The following RBFOX3 variants were observed in gnomAD, a reference collection of about 807,000 sequenced individuals.
RBFOX3 encodes the protein RNA binding protein fox-1 homolog 3.
A neutral mutation model predicts 48.7 loss-of-function variants in RBFOX3; 17 were observed. The ratio of observed to expected loss-of-function variants is 0.35; its 90% CI spans 0.24 to 0.52. RBFOX3 has a LOEUF of 0.52. RBFOX3 is among the 20% of genes least tolerant of loss of function. RBFOX3 has a pLI of 0.94. For missense variants in RBFOX3, 382 were observed against 497.5 expected (o/e 0.77, Z 2.21); for synonymous variants, 212 against 209.5 (o/e 1.01, Z -0.10).
rs905993614 is a variant in RBFOX3, at chr17:79,567,594, T to C, written c.-320+43232A>G. Among the ~76,000 whole-genome samples, 444 of 152,340 alleles carry C rather than the reference T, an allele frequency of 2.9e-3. 1 individual carries two copies. The highest frequency in any genetic ancestry group is 0.01 in the African/African-American group (430 of 41,580). On this transcript the variant is annotated intron_variant, in intron 1 of 14. Coordinates refer to ENST00000693108, the MANE Select transcript of RBFOX3 (RefSeq NM_001350451.2). The stretch of plus-strand genomic sequence containing the variant: ...CCTGATTTGATCATTACACACTGTA[T>C]ATATGCATCAAAATATTGCTTTGTA...
intron 2 of RBFOX3, among the ~76,000 whole-genome samples, chr17:79,402,410 G>A (rs904264153): frequency 3.3e-5 from 5 of 152,212 alleles, no homozygotes; most frequent in African/African-American, 7.2e-5. Context: ...CAGGACAGGC[G>A]GAAAACTGGG....
rs1047306171 is a variant in RBFOX3, at chr17:79,167,062, G to A, written c.-33-51314C>T. ...TCAAGACCCCCGGCAAGGCGGGCAC[G>A]TCACCCCCACGACAGACGCGCTCAC... On this transcript the variant is annotated intron_variant, in intron 4 of 14. Coordinates refer to ENST00000693108, the MANE Select transcript of RBFOX3 (RefSeq NM_001350451.2). 2.4e-4 allele frequency among the ~76,000 whole-genome samples: 36 copies of A among 152,302 alleles called. 1 individual carries two copies. The highest frequency in any genetic ancestry group is 1.5e-3 in the Admixed American group (23 of 15,306).
rs569391169 is a variant in RBFOX3, at chr17:79,423,177, C to T, written c.-175+59277G>A. Among the ~76,000 whole-genome samples the T allele has an allele frequency of 4.1e-4, 62 of 152,286 alleles. No individual in the cohort carries two copies. Among genetic ancestry groups the T allele is most frequent in the Non-Finnish European group, 7.1e-4 (48 of 68,022 alleles). On this transcript the variant is annotated intron_variant, in intron 2 of 14. Transcript: ENST00000693108. The surrounding 1 kb of genome is among the most constrained non-coding windows in gnomAD (Gnocchi z 4.9). The stretch of plus-strand genomic sequence containing the variant: ...ACCAGAGTTTTCAAACGTGTCTTGG[C>T]GTCACATGTCCAAAACCAAACTCCT...
intron 1 of RBFOX3, among the ~76,000 whole-genome samples, chr17:79,567,013 C>T (rs1294902562): frequency 6.6e-6 from 1 of 152,110 alleles, no homozygotes; most frequent in Non-Finnish European, 1.5e-5. Context: ...CGAGGACTCA[C>T]TCCTCCTATC....
chr17:79,427,549 T>C (rs1555726219), intron 2 of RBFOX3, among the ~76,000 whole-genome samples: 1 of 152,230 alleles, frequency 6.6e-6, no homozygotes, highest in Non-Finnish European at 1.5e-5. Context: ...TGATGAACAC[T>C]GTCCCATTGA....
chr17:79,577,930 G>C, intron 1 of RBFOX3, among the ~76,000 whole-genome samples: 1 of 152,246 alleles, frequency 6.6e-6, no homozygotes, highest in East Asian at 1.9e-4. Flanking sequence ...ACAGAAGATG[G>C]AGCTCAGGGG....
the RBFOX3 span, among the ~76,000 whole-genome samples, chr17:79,621,783 G>A: frequency 3.9e-5 from 6 of 152,330 alleles, no homozygotes; most frequent in South Asian, 2.1e-4. Context: ...GCTAGCACGT[G>A]TTACTAGGTG....
chr17:79,097,397 C>T lies in RBFOX3; in HGVS notation c.650G>A (p.Gly217Asp). Residue 217 changes from glycine (G) to aspartate (D), a missense_variant, in exon 11 of 15, where the codon GGC becomes GAC. By Grantham distance (94) the Gly-to-Asp change is moderately conservative. This residue lies in a region of RBFOX3 where 215 missense variants were observed against 254.8 expected (regional missense o/e 0.84). Coordinates refer to ENST00000693108, the MANE Select transcript of RBFOX3 (RefSeq NM_001350451.2). ...TGCGCCCCGGTAGGCAACGGCTGTG[C>T]CGGTGGTGGGGTAGGGGAACCCCGT... The part of the protein sequence containing the change: ...AVTGFPYPTT[G>D]TAVAYRGAHL... 2 of 1,547,882 alleles carry T rather than the reference C, an allele frequency of 1.3e-6. No individual in the cohort carries two copies. The highest frequency in any genetic ancestry group is 1.8e-4 in the Middle Eastern group (1 of 5,616).
rs17741704 is a variant in RBFOX3, at chr17:79,199,712, G to A, written c.-34+36054C>T. 8.5e-5 allele frequency among the ~76,000 whole-genome samples: 13 copies of A among 152,112 alleles called. No individual in the cohort carries two copies. The highest frequency in any genetic ancestry group is 7.2e-4 in the Admixed American group (11 of 15,268). On this transcript the variant is annotated intron_variant, in intron 4 of 14. Coordinates refer to ENST00000693108, the MANE Select transcript of RBFOX3 (RefSeq NM_001350451.2). The surrounding 1 kb of genome is among the most constrained non-coding windows in gnomAD (Gnocchi z 5.1). The stretch of plus-strand genomic sequence containing the variant: ...TTCCAAGAGTCACACATGGCTCCTG[G>A]TGACCATATTGACACAGATATGACA...
At position 79,389,826 on chromosome 17, in the gene RBFOX3, G is replaced by T. The variant is rs1263052509; in HGVS notation, c.-174-82002C>A. Among the ~76,000 whole-genome samples, 6 of 152,364 alleles carry T rather than the reference G, an allele frequency of 3.9e-5. No homozygotes were observed. The East Asian group carries it at 1.2e-3, about 29-fold the overall frequency. ...CAAAAGACAACAGTTTAGAATGAGA[G>T]GAGACTGAGGGGGCCAGGGCCATGC... On this transcript the variant is annotated intron_variant, in intron 2 of 14. Coordinates refer to ENST00000693108, the MANE Select transcript of RBFOX3 (RefSeq NM_001350451.2).
At position 79,423,183 on chromosome 17, in the gene RBFOX3, A is replaced by G. The variant is rs1380000086; in HGVS notation, c.-175+59271T>C. On this transcript the variant is annotated intron_variant, in intron 2 of 14. Coordinates refer to ENST00000693108, the MANE Select transcript of RBFOX3 (RefSeq NM_001350451.2). This position sits in a 1 kb window ranked among gnomAD's most constrained non-coding sequence, Gnocchi z 4.9. The stretch of plus-strand genomic sequence containing the variant: ...GTTTTCAAACGTGTCTTGGCGTCAC[A>G]TGTCCAAAACCAAACTCCTCACGTC... 6.6e-6 allele frequency among the ~76,000 whole-genome samples: 1 copy of G among 152,154 alleles called. No individual in the cohort carries two copies.
At chr17:79,598,047 TTTA>T (rs35598919) in intron 1 of RBFOX3, 132,456 of 152,098 alleles carry the variant, frequency 0.87, 57,771 homozygotes, top group East Asian at 0.95. Flanking sequence ...TCTTGGCTTC[TTTA>T]TTATTCCTCC....
At chr17:79,219,116 C>G (rs529496535) in intron 4 of RBFOX3, among the ~76,000 whole-genome samples, 1 of 152,334 alleles carries the variant, frequency 6.6e-6, no homozygotes, top group Non-Finnish European at 1.5e-5. Flanking sequence ...CCCTTGAGCC[C>G]TTCTCCTGGT....
chr17:79,621,213 G>A, the RBFOX3 span, among the ~76,000 whole-genome samples: 1 of 151,872 alleles, frequency 6.6e-6, no homozygotes, highest in Non-Finnish European at 1.5e-5. Flanking sequence ...TGGCCAGGCG[G>A]GTCTCGAACT....
intron 2 of RBFOX3, among the ~76,000 whole-genome samples, chr17:79,395,298 G>A (rs1420106183): frequency 6.6e-6 from 1 of 152,238 alleles, no homozygotes; most frequent in Non-Finnish European, 1.5e-5. Context: ...TGCCTGGGAG[G>A]ACCCCTCCTA....
intron 2 of RBFOX3, among the ~76,000 whole-genome samples, chr17:79,396,051 G>A (rs1012088655): frequency 3.9e-5 from 6 of 152,198 alleles, no homozygotes; most frequent in African/African-American, 1.4e-4. Context: ...ACCTGAGGAT[G>A]TCTGAGCCCC....
At chr17:79,465,987 AC>A (rs1370434113) in intron 2 of RBFOX3, among the ~76,000 whole-genome samples, 23 of 152,212 alleles carry the variant, frequency 1.5e-4, no homozygotes, top group African/African-American at 5.5e-4. Context: ...CCCAGGAACA[AC>A]CCAGCTGGAT....
intron 2 of RBFOX3, among the ~76,000 whole-genome samples, chr17:79,415,630 T>C (rs991859757): frequency 2.0e-5 from 3 of 152,176 alleles, no homozygotes; most frequent in South Asian, 2.1e-4. Flanking sequence ...GATGGCCAAG[T>C]GGCAGGACAG....
At chr17:79,425,413 G>A (rs1421803127) in intron 2 of RBFOX3, among the ~76,000 whole-genome samples, 1 of 152,168 alleles carries the variant, frequency 6.6e-6, no homozygotes, top group African/African-American at 2.4e-5. Context: ...CAACCCCCTG[G>A]GGCCCCAACT....
Sources: gnomAD v4.1 joint callset for allele counts (sites outside exome capture counted in the v4.1 genomes callset) on GRCh38, gnomAD v4.1.1 for gene constraint, gnomAD v4.1.1 regional missense constraint, Gnocchi (gnomAD v3.1) non-coding constraint, MANE v1.5 for transcripts, NCBI Gene and HGNC (gene_info 2026-07-23, HGNC 2026-07-21) for gene names.